SLC15A2: variants seen among roughly 807,000 people sequenced by gnomAD.
SLC15A2 encodes the protein solute carrier family 15 member 2.
Under a neutral mutation model 95.5 loss-of-function variants are expected in SLC15A2, and 77 were observed. The observed-to-expected ratio is 0.81, with a 90% confidence interval of 0.67 to 0.97. The LOEUF is 0.97. Ranked by LOEUF, SLC15A2 falls within the 50% of genes least tolerant of loss-of-function variation. SLC15A2 has a pLI of 0.00. For synonymous variants in SLC15A2, 306 were observed against 306.9 expected (o/e 1.00, Z 0.03); for missense variants, 893 against 874.4 (o/e 1.02, Z -0.27).
intron 20 of SLC15A2, 71 bp from the exon 21 acceptor site, chr3:121,940,313 G>A: frequency 4.3e-6 from 5 of 1,165,478 alleles, no homozygotes. Flanking sequence ...TGTGGGAGAA[G>A]TTTCCTGGAT....
intron 20 of SLC15A2, 82 bp downstream of exon 20, chr3:121,939,577 G>T: frequency 8.0e-7 from 1 of 1,244,248 alleles, no homozygotes; most frequent in Non-Finnish European, 1.1e-6. Flanking sequence ...GACTTAAATA[G>T]GTATGTTATC....
chr3:121,941,008 T>C lies in SLC15A2; in HGVS notation c.*1T>C. ...AGAGACCAAGAAGACAAAACTCTGA[T>C]GACTCCCTAGATTCTGTCCTGACCC... is the stretch of plus-strand genomic sequence containing the variant. On this transcript the variant is annotated 3_prime_UTR_variant, in exon 22 of 22. Transcript: ENST00000489711. 3 of 1,612,444 alleles carry C rather than the reference T, an allele frequency of 1.9e-6. No individual in the cohort carries two copies. Among genetic ancestry groups the C allele is most frequent in the Non-Finnish European group, 2.5e-6 (3 of 1,179,212 alleles).
At chr3:121,940,579 A>G (rs1029066257) in intron 21 of SLC15A2, 91 bp downstream of exon 21, 3 of 1,090,670 alleles carry the variant, frequency 2.8e-6, no homozygotes, top group African/African-American at 1.5e-5. Flanking sequence ...TGCTTCCCAC[A>G]TTCCCCATTC....
intron 3 of SLC15A2, among the ~76,000 whole-genome samples, chr3:121,901,087 C>T (rs1197771769): frequency 2.6e-5 from 4 of 151,886 alleles, no homozygotes; most frequent in South Asian, 2.1e-4. Context: ...GATGCAATCT[C>T]GGCTCACTGC....
At chr3:121,939,577 G>C in intron 20 of SLC15A2, 82 bp downstream of exon 20, 1 of 1,244,248 alleles carries the variant, frequency 8.0e-7, no homozygotes, top group Non-Finnish European at 1.1e-6. Context: ...GACTTAAATA[G>C]GTATGTTATC....
At chr3:121,922,914 T>C (rs746710739) in intron 9 of SLC15A2, 53 bp downstream of exon 9, 1 of 1,560,744 alleles carries the variant, frequency 6.4e-7, no homozygotes, top group Non-Finnish European at 8.8e-7. Flanking sequence ...TTTCCTAATG[T>C]TCAAAATGAT....
At chr3:121,917,279 A>G (rs2107589879) in intron 7 of SLC15A2, among the ~76,000 whole-genome samples, 1 of 152,316 alleles carries the variant, frequency 6.6e-6, no homozygotes, top group Middle Eastern at 3.4e-3. Context: ...GGAAAGGAAG[A>G]CAAACAAATA....
Position 121,942,090 on chromosome 3 carries a change from T to A in SLC15A2, c.*1083T>A, listed in dbSNP as rs1710473700. 6.6e-6 allele frequency: 1 copy of A among 152,226 alleles called. No individual in the cohort carries two copies. Among genetic ancestry groups the A allele is most frequent in the South Asian group, 2.1e-4 (1 of 4,832 alleles). The allele number at this position is 152,226 out of a possible 1,614,324, so 9.4% of individuals were successfully genotyped here. A position where few individuals can be genotyped will look rare whatever the true frequency, so the allele number is the denominator to read the frequency against. On this transcript the variant is annotated 3_prime_UTR_variant, in exon 22 of 22. Transcript: ENST00000489711. ...ATTTCTGCCTTGAAGCCTAGAAATTTTCTTTTTATTCAAAAAAAGTTACAT... is the reference window on the plus strand; with the variant it reads ...ATTTCTGCCTTGAAGCCTAGAAATTATCTTTTTATTCAAAAAAAGTTACAT...
At chr3:121,912,987 C>A in intron 4 of SLC15A2, 34 bp from the exon 5 acceptor site, 1 of 1,494,684 alleles carries the variant, frequency 6.7e-7, no homozygotes, top group South Asian at 1.1e-5. Flanking sequence ...CATTTAGTAT[C>A]AACATGGTTG....
chr3:121,911,652 A>G lies in SLC15A2; in HGVS notation c.414A>G (p.Gly138=), dbSNP rs540890984. 6.2e-7 allele frequency: 1 copy of G among 1,608,774 alleles called. No individual in the cohort carries two copies. The highest frequency in any genetic ancestry group is 8.5e-7 in the Non-Finnish European group (1 of 1,175,106). Residue 138 remains glycine (G), a synonymous_variant, in exon 4 of 22, where the codon GGA becomes GGG. Transcript: ENST00000489711. Reference sequence around the variant, plus strand: ...TGGGTGCCTTACCAATACTGGGAGGACAAGTGGTACACACGTGAGTAAAAT... The same window carrying G: ...TGGGTGCCTTACCAATACTGGGAGGGCAAGTGGTACACACGTGAGTAAAAT... ...KSLGALPILG[G]QVVHTVLSLI...
rs9714238 is a variant in SLC15A2, at chr3:121,934,084, A to T, written c.1761+2349A>T. 7.9e-5 allele frequency among the ~76,000 whole-genome samples: 12 copies of T among 151,894 alleles called. 1 individual carries two copies. In the East Asian group the frequency reaches 9.6e-4, roughly 12 times the overall value. On this transcript the variant is annotated intron_variant, in intron 19 of 21. Transcript: ENST00000489711. ...GATCAGATAGTTGTAGATATGTGGC[A>T]TTATTTCTGAGGGCTCTGTTCTGTT... is the stretch of plus-strand genomic sequence containing the variant.
At chr3:121,908,352 C>G (rs1709697178) in intron 3 of SLC15A2, among the ~76,000 whole-genome samples, 1 of 152,216 alleles carries the variant, frequency 6.6e-6, no homozygotes, top group Admixed American at 6.5e-5. Context: ...TGAGGCAATG[C>G]TCCACCCTGC....
At chr3:121,934,666 G>C (rs1576691715) in intron 19 of SLC15A2, among the ~76,000 whole-genome samples, 1 of 152,324 alleles carries the variant, frequency 6.6e-6, no homozygotes, top group African/African-American at 2.4e-5. Context: ...ATTTGGGGCT[G>C]AGACAATGGG....
At chr3:121,914,748 T>A (rs1709846883) in intron 5 of SLC15A2, among the ~76,000 whole-genome samples, 1 of 150,272 alleles carries the variant, frequency 6.7e-6, no homozygotes, top group Non-Finnish European at 1.5e-5. Context: ...AACAGACACT[T>A]ACGGGAGGCA....
chr3:121,923,062 AG>A lies in SLC15A2; in HGVS notation c.892del (p.Ala298HisfsTer2). On this transcript the variant is annotated frameshift_variant, in exon 10 of 22. Transcript: ENST00000489711. LOFTEE classifies it high-confidence loss of function. The stretch of plus-strand genomic sequence containing the variant: ...CAGAAGCAGCTCATTATGGATGTAA[AG>A]GCACTGACCAGGGTACTATTCCTTT... The part of the protein sequence containing the change: ...KYPKQLIMDV[K>X]ALTRVLFLYI... 6.2e-7 allele frequency: 1 copy of A among 1,614,066 alleles called. No homozygotes were observed.
rs1335088879 is a variant in SLC15A2 at position 121,928,533 on chromosome 3, T to C, written c.1319T>C (p.Ile440Thr). 1 of 1,614,034 alleles carries C rather than the reference T, an allele frequency of 6.2e-7. No individual in the cohort carries two copies. Among genetic ancestry groups the C allele is most frequent in the Non-Finnish European group, 8.5e-7 (1 of 1,179,978 alleles). The change falls in exon 15 of 22, where the codon ATA becomes ACA. Residue 440 changes from isoleucine (I) to threonine (T), a missense_variant. Physicochemically the swap from Ile to Thr is moderately conservative, Grantham distance 89 (BLOSUM62 -1). Transcript: ENST00000489711. ...VVGNENNSLL[I>T]ESIKSFQKTP... ...GGAAATGAAAACAATTCTCTGTTGATAGAGTCCATCAAATCCTTTCAGGTG... is the reference window on the plus strand; with the variant it reads ...GGAAATGAAAACAATTCTCTGTTGACAGAGTCCATCAAATCCTTTCAGGTG...
intron 3 of SLC15A2, 133 bp downstream of exon 3, chr3:121,897,662 G>T: frequency 2.5e-6 from 2 of 808,278 alleles, no homozygotes; most frequent in Non-Finnish European, 3.7e-6. Context: ...GTACATCTGT[G>T]TAGTGTGGGA....
At chr3:121,931,086 T>G (rs1249969971) in intron 18 of SLC15A2, 136 bp downstream of exon 18, 8 of 609,826 alleles carry the variant, frequency 1.3e-5, no homozygotes, top group Non-Finnish European at 2.3e-5. Flanking sequence ...CTTTTCCAAC[T>G]CTTGCTTCCT....
At chr3:121,911,449 C>A (rs1195639896) in intron 3 of SLC15A2, 125 bp from the exon 4 acceptor site, 6 of 635,106 alleles carry the variant, frequency 9.4e-6, no homozygotes, top group Non-Finnish European at 1.7e-5. Context: ...TCAGATAATT[C>A]TTTCCTCCTC....
Sources: allele counts gnomAD v4.1 joint callset (sites outside exome capture counted in the v4.1 genomes callset), GRCh38; gene constraint gnomAD v4.1.1; transcripts MANE v1.5; gene names NCBI Gene and HGNC (gene_info 2026-07-23, HGNC 2026-07-21).